The following LHFPL6 variants were observed in gnomAD, a reference collection of about 807,000 sequenced individuals.
The protein encoded by LHFPL6 is LHFPL tetraspan subfamily member 6 protein.
LHFPL6 carries 9 observed loss-of-function variants against 20.6 expected under a neutral mutation model. The ratio of observed to expected loss-of-function variants is 0.44; its 90% CI spans 0.26 to 0.76. LHFPL6 has a LOEUF of 0.76. LHFPL6 is among the 30% of genes least tolerant of loss of function. The probability of loss-of-function intolerance (pLI) is 0.20; values close to 1 mark genes in which losing one functional copy is unlikely to be tolerated. For missense variants in LHFPL6, 218 were observed against 253.5 expected, an observed-to-expected ratio of 0.86 and a Z score of 0.95; for synonymous variants, 105 against 98.7, an observed-to-expected ratio of 1.06 and a Z score of -0.38.
At chr13:39,494,571 G>A (rs112549276) in intron 2 of LHFPL6, among the ~76,000 whole-genome samples, 29 of 152,270 alleles carry the variant, frequency 1.9e-4, no homozygotes, top group African/African-American at 6.5e-4. Flanking sequence ...ATAAAATCAG[G>A]TTGGAGTTTA....
chr13:39,529,800 A>G (rs1870407034), intron 2 of LHFPL6, among the ~76,000 whole-genome samples: 1 of 152,240 alleles, frequency 6.6e-6, no homozygotes, highest in Non-Finnish European at 1.5e-5. Flanking sequence ...AGCAAATAAA[A>G]AGGTTTTGGA....
At chr13:39,504,072 T>A (rs1047367004) in intron 2 of LHFPL6, among the ~76,000 whole-genome samples, 1 of 152,188 alleles carries the variant, frequency 6.6e-6, no homozygotes, top group Non-Finnish European at 1.5e-5. Flanking sequence ...TGCACCAACC[T>A]AAATAATAAA....
At chr13:39,533,606 T>C (rs910110402) in intron 2 of LHFPL6, among the ~76,000 whole-genome samples, 2 of 152,122 alleles carry the variant, frequency 1.3e-5, no homozygotes, top group Non-Finnish European at 2.9e-5. Flanking sequence ...TGCTACCACA[T>C]CTCTGGCAAA....
intron 2 of LHFPL6, among the ~76,000 whole-genome samples, chr13:39,397,768 A>G (rs1870880429): frequency 6.6e-6 from 1 of 152,210 alleles, no homozygotes; most frequent in East Asian, 1.9e-4. Flanking sequence ...TCCGGGAGCC[A>G]CGGAAAGAAA....
At chr13:39,576,348 G>C (rs984292758) in intron 2 of LHFPL6, among the ~76,000 whole-genome samples, 1 of 152,174 alleles carries the variant, frequency 6.6e-6, no homozygotes, top group Non-Finnish European at 1.5e-5. Flanking sequence ...AAAACTGGTG[G>C]AGGCTGACAT....
At chr13:39,454,196 C>A (rs528949351) in intron 2 of LHFPL6, among the ~76,000 whole-genome samples, 1 of 152,272 alleles carries the variant, frequency 6.6e-6, no homozygotes, top group African/African-American at 2.4e-5. Flanking sequence ...TATTCTATTT[C>A]TATAGGACAG....
At chr13:39,481,943 A>G (rs981152684) in intron 2 of LHFPL6, among the ~76,000 whole-genome samples, 5 of 152,132 alleles carry the variant, frequency 3.3e-5, no homozygotes, top group Admixed American at 6.5e-5. Flanking sequence ...GATGACTGCT[A>G]AGAGGGAACA....
intron 2 of LHFPL6, among the ~76,000 whole-genome samples, chr13:39,595,014 GT>G (rs1300907657): frequency 2.0e-5 from 3 of 152,114 alleles, no homozygotes; most frequent in Non-Finnish European, 4.4e-5. Context: ...TATACCTAAT[GT>G]TAAATGACGA....
At chr13:39,371,980 G>A (rs747276305) in intron 3 of LHFPL6, among the ~76,000 whole-genome samples, 2 of 152,210 alleles carry the variant, frequency 1.3e-5, no homozygotes, top group South Asian at 4.1e-4. Context: ...GAGAACTAAC[G>A]TCAAAATGAA....
chr13:39,470,873 G>T (rs534524542), intron 2 of LHFPL6, among the ~76,000 whole-genome samples: 1 of 152,030 alleles, frequency 6.6e-6, no homozygotes, highest in Admixed American at 6.6e-5. Context: ...TTCCATTAGC[G>T]GCCCATCATC....
chr13:39,383,916 C>T (rs2138364673), intron 2 of LHFPL6, among the ~76,000 whole-genome samples: 1 of 152,356 alleles, frequency 6.6e-6, no homozygotes, highest in Non-Finnish European at 1.5e-5. Flanking sequence ...GGTGGATTAT[C>T]AGCTGTAGCT....
At chr13:39,437,551 C>G (rs150929188) in intron 2 of LHFPL6, among the ~76,000 whole-genome samples, 1 of 152,138 alleles carries the variant, frequency 6.6e-6, no homozygotes, top group African/African-American at 2.4e-5. Context: ...AACCACGAAC[C>G]AATGAAATAT....
intron 2 of LHFPL6, among the ~76,000 whole-genome samples, chr13:39,416,397 T>G: frequency 6.6e-6 from 1 of 151,978 alleles, no homozygotes. Context: ...GAAACTCCAT[T>G]ATATTAGGCC....
chr13:39,450,120 A>C (rs1486013540), intron 2 of LHFPL6, among the ~76,000 whole-genome samples: 1 of 152,212 alleles, frequency 6.6e-6, no homozygotes, highest in Non-Finnish European at 1.5e-5. Context: ...CAAATTTGGC[A>C]ACCTGTTTTC....
At chr13:39,466,932 A>G (rs1872818740) in intron 2 of LHFPL6, among the ~76,000 whole-genome samples, 1 of 152,104 alleles carries the variant, frequency 6.6e-6, no homozygotes, top group Non-Finnish European at 1.5e-5. Flanking sequence ...TTATTCATCT[A>G]TTTGCTTTGT....
intron 2 of LHFPL6, among the ~76,000 whole-genome samples, chr13:39,565,589 G>A (rs548119072): frequency 6.6e-6 from 1 of 152,330 alleles, no homozygotes; most frequent in Admixed American, 6.5e-5. Flanking sequence ...AAATGGTGGC[G>A]ATCTGTTGTA....
At position 39,361,403 on chromosome 13, in the gene LHFPL6, C is replaced by T. The variant is rs572997307; in HGVS notation, c.484+17025G>A. On this transcript the variant is annotated intron_variant, in intron 3 of 3. Transcript: ENST00000379589. Reference sequence around the variant, plus strand: ...CGTGATCTTGGCTCACTGCAACCTCCGCCTCCCAGGTTCATGTGATTCTCC... The same window carrying T: ...CGTGATCTTGGCTCACTGCAACCTCTGCCTCCCAGGTTCATGTGATTCTCC... Among the ~76,000 whole-genome samples, 303 of 151,928 alleles carry T rather than the reference C, an allele frequency of 2.0e-3. 3 individuals carry two copies. The highest frequency in any genetic ancestry group is 0.013 in the South Asian group (63 of 4,794).
chr13:39,457,449 T>C (rs1482659680), intron 2 of LHFPL6, among the ~76,000 whole-genome samples: 1 of 152,176 alleles, frequency 6.6e-6, no homozygotes, highest in Non-Finnish European at 1.5e-5. Flanking sequence ...ACCTACTAGA[T>C]TGGCTACAGT....
rs192955093 is a variant in LHFPL6, at chr13:39,434,784, C to T, written c.386-56258G>A. Among the ~76,000 whole-genome samples the T allele has an allele frequency of 8.5e-3, 1,287 of 152,224 alleles. 16 individuals carry two copies. Among genetic ancestry groups the T allele is most frequent in the Middle Eastern group, 0.041 (12 of 294 alleles). On this transcript the variant is annotated intron_variant, in intron 2 of 3. Transcript: ENST00000379589. ...ATAAAGAAGTAAATCAGGCTGGGCG[C>T]GGTGGCTCACGCCTGTAATCCCAGC... is the stretch of plus-strand genomic sequence containing the variant.
Sources: gnomAD v4.1 joint callset for allele counts (sites outside exome capture counted in the v4.1 genomes callset) on GRCh38, gnomAD v4.1.1 for gene constraint, MANE v1.5 for transcripts, NCBI Gene and HGNC (gene_info 2026-07-23, HGNC 2026-07-21) for gene names.